The following FAAP100 variants were observed in gnomAD, a reference collection of about 807,000 sequenced individuals.
FAAP100 encodes Fanconi anemia core complex-associated protein 100.
Under a neutral mutation model 65.8 loss-of-function variants are expected in FAAP100, and 46 were observed. That is an observed-to-expected ratio of 0.70 (90% CI 0.55 to 0.89). The LOEUF is 0.89. Among genes scored for constraint, FAAP100 ranks in the 40% least tolerant of loss-of-function variants. The pLI is 0.00. For missense variants in FAAP100, 1,165 were observed against 1,196.7 expected (o/e 0.97, Z 0.39); for synonymous variants, 663 against 555.1 (o/e 1.19, Z -2.73).
chr17:81,541,734 G>C (rs1202622352), intron 7 of FAAP100, among the ~76,000 whole-genome samples: 1 of 152,176 alleles, frequency 6.6e-6, no homozygotes, highest in Non-Finnish European at 1.5e-5. Flanking sequence ...TGGGCTTCAG[G>C]CCTGAAGGCC....
chr17:81,552,333 T>C lies in FAAP100; in HGVS notation c.-3A>G, dbSNP rs1184205228. Reference sequence around the variant, plus strand: ...ACCCGCGGCGCGGCGCCGGCCATCGTGCGCGCGGGCCCGTCAGAGTGAGAA... The same window carrying C: ...ACCCGCGGCGCGGCGCCGGCCATCGCGCGCGCGGGCCCGTCAGAGTGAGAA... On this transcript the variant is annotated 5_prime_UTR_variant, in exon 1 of 9. Transcript: ENST00000327787. 1.5e-6 allele frequency: 2 copies of C among 1,373,542 alleles called. No homozygotes were observed. Among genetic ancestry groups the C allele is most frequent in the South Asian group, 1.7e-5 (1 of 59,454 alleles). 85.1% of individuals were successfully genotyped at this position (1,373,542 alleles called of 1,614,324 possible). A position where few individuals can be genotyped will look rare whatever the true frequency, so the allele number is the denominator to read the frequency against.
At position 81,542,785 on chromosome 17, in the gene FAAP100, G is replaced by A. The variant is rs190794948; in HGVS notation, c.2427+1219C>T. On this transcript the variant is annotated intron_variant, in intron 7 of 8. Transcript: ENST00000327787. ...CACTGGGGTGGGTCTGACCCCACAC[G>A]ACTGTGTCCTTGTAAGAAAAGGGAT... Among the ~76,000 whole-genome samples the A allele has an allele frequency of 5.3e-5, 8 of 152,354 alleles. No individual in the cohort carries two copies. In the South Asian group the frequency reaches 8.3e-4, roughly 16 times the overall value.
At chr17:81,540,984 A>T in intron 8 of FAAP100, 34 bp from the exon 9 acceptor site, 2 of 1,539,318 alleles carry the variant, frequency 1.3e-6, no homozygotes, top group Non-Finnish European at 1.7e-6. Flanking sequence ...CAGGCCCCCC[A>T]CCTGGCCCTG....
Position 81,552,336 on chromosome 17 carries a change from G to A in FAAP100, c.-6C>T, listed in dbSNP as rs914677574. ...CGCGGCGCGGCGCCGGCCATCGTGC[G>A]CGCGGGCCCGTCAGAGTGAGAAGCC... On this transcript the variant is annotated 5_prime_UTR_variant, in exon 1 of 9. Coordinates refer to ENST00000327787, the MANE Select transcript of FAAP100 (RefSeq NM_025161.6). 1.2e-5 allele frequency: 17 copies of A among 1,369,670 alleles called. No homozygotes were observed. Among genetic ancestry groups the A allele is most frequent in the African/African-American group, 1.5e-5 (1 of 65,180 alleles). The allele number at this position is 1,369,670 out of a possible 1,614,324, so 84.8% of individuals were successfully genotyped here. A position where few individuals can be genotyped will look rare whatever the true frequency, so the allele number is the denominator to read the frequency against.
At chr17:81,540,982 C>G in intron 8 of FAAP100, 32 bp from the exon 9 acceptor site, 2 of 1,541,840 alleles carry the variant, frequency 1.3e-6, no homozygotes, top group Non-Finnish European at 1.7e-6. Context: ...CTCAGGCCCC[C>G]CACCTGGCCC....
intron 8 of FAAP100, 73 bp from the exon 9 acceptor site, chr17:81,541,023 CCA>C: frequency 4.8e-6 from 7 of 1,469,200 alleles, no homozygotes; most frequent in Non-Finnish European, 6.3e-6. Context: ...TCTGGGGGAC[CCA>C]CCACTCGCAG....
intron 4 of FAAP100, chr17:81,548,252 G>C: frequency 1.9e-6 from 1 of 526,448 alleles, no homozygotes; most frequent in Non-Finnish European, 3.4e-6. Context: ...CGAAGCCAGT[G>C]CTGCGGGAGG....
chr17:81,547,132 C>T lies in FAAP100; in HGVS notation c.1950G>A (p.Leu650=). 1 of 1,532,876 alleles carries T rather than the reference C, an allele frequency of 6.5e-7. No individual in the cohort carries two copies. The highest frequency in any genetic ancestry group is 8.8e-7 in the Non-Finnish European group (1 of 1,138,974). 95.0% of individuals were successfully genotyped at this position (1,532,876 alleles called of 1,614,324 possible). The change falls in exon 5 of 9, where the codon CTG becomes CTA. Residue 650 remains leucine (L), a synonymous_variant. Transcript: ENST00000327787. ...LPLSRHTVDM[L]QCLRFPGLAP... ...CCAGGCCAGGGAAGCGCAGACACTG[C>T]AGCATGTCCACTGTGTGCCTGCTCA...
intron 5 of FAAP100, 33 bp downstream of exon 5, chr17:81,546,876 C>A: frequency 7.4e-7 from 1 of 1,355,774 alleles, no homozygotes; most frequent in Non-Finnish European, 9.5e-7. Flanking sequence ...AAAAAATCCC[C>A]AAGGCTGAGC....
chr17:81,548,204 G>A (rs971264080), intron 4 of FAAP100: 16 of 590,378 alleles, frequency 2.7e-5, no homozygotes, highest in African/African-American at 2.6e-4. Flanking sequence ...GGGAGCAGGG[G>A]AGGCTGCGCG....
intron 7 of FAAP100, among the ~76,000 whole-genome samples, chr17:81,542,837 G>C (rs1430437735): frequency 1.3e-5 from 2 of 152,262 alleles, no homozygotes; most frequent in Non-Finnish European, 2.9e-5. Context: ...AGGGGCTGGA[G>C]CTCTGCTCTT....
Position 81,540,947 on chromosome 17 carries a change from G to C in FAAP100, c.2518C>G (p.Leu840Val). 2 of 1,580,510 alleles carry C rather than the reference G, an allele frequency of 1.3e-6. No homozygotes were observed. Among genetic ancestry groups the C allele is most frequent in the Non-Finnish European group, 1.7e-6 (2 of 1,166,220 alleles). ...CGCAGGGTCTGCACCTCCCGCAGCA[G>C]TGTCTGCAGGTGAAGCAGACACAGC... ...LRQIHANHET[L>V]LREVQTLRDR... Residue 840 changes from leucine (L) to valine (V), a missense_variant, in exon 9 of 9, where the codon CTG becomes GTG. Coordinates refer to ENST00000327787, the MANE Select transcript of FAAP100 (RefSeq NM_025161.6).
rs1360949996 is a variant in FAAP100 at position 81,544,762 on chromosome 17, C to T, written c.2311-642G>A. Among the ~76,000 whole-genome samples, 5 of 152,260 alleles carry T rather than the reference C, an allele frequency of 3.3e-5. No homozygotes were observed. In the East Asian group the frequency reaches 9.6e-4, roughly 29 times the overall value. On this transcript the variant is annotated intron_variant, in intron 6 of 8. Coordinates refer to ENST00000327787, the MANE Select transcript of FAAP100 (RefSeq NM_025161.6). ...GAGGACACAGTCACCTGCGGCTCTC[C>T]CACAGGGGCCGCCAGCACCGACCTG... is the stretch of plus-strand genomic sequence containing the variant.
At chr17:81,549,135 C>T in intron 4 of FAAP100, 71 bp downstream of exon 4, 2 of 1,574,070 alleles carry the variant, frequency 1.3e-6, no homozygotes, top group African/African-American at 1.4e-5. Flanking sequence ...CCCAGGACGA[C>T]CCCACACAGG....
intron 3 of FAAP100, 31 bp downstream of exon 3, chr17:81,550,217 C>T: frequency 1.3e-6 from 2 of 1,547,386 alleles, no homozygotes; most frequent in Non-Finnish European, 8.8e-7. Context: ...ACCCTGGGCT[C>T]CCATCTTTCA....
Position 81,551,155 on chromosome 17 carries a change from G to A in FAAP100, c.339C>T (p.Ser113=). 6.5e-7 allele frequency: 1 copy of A among 1,544,542 alleles called. No homozygotes were observed. The highest frequency in any genetic ancestry group is 1.7e-4 in the Middle Eastern group (1 of 5,972). Residue 113 remains serine, a synonymous_variant, in exon 3 of 9, where the codon TCC becomes TCT. Transcript: ENST00000327787. ...DRDSEDGDQP[S]PVIPVDPDAC... ...CATCGGGGTCCACAGGGATCACGGG[G>A]GAAGGCTGGTCACCGTCCTCGCTGT...
In FAAP100 at chr17:81,540,172, G is replaced by C. The variant is rs576434767; in HGVS notation, c.*647C>G. The stretch of plus-strand genomic sequence containing the variant: ...AGGCACCTAGTTGTTGAGCATTCCG[G>C]CCACAGGCCACCCGCTGGCCCTTCC... On this transcript the variant is annotated 3_prime_UTR_variant, in exon 9 of 9. Transcript: ENST00000327787. The C allele has an allele frequency of 2.0e-5, 8 of 399,040 alleles. No individual in the cohort carries two copies. Among genetic ancestry groups the C allele is most frequent in the African/African-American group, 1.4e-4 (7 of 48,756 alleles). The allele number at this position is 399,040 out of a possible 1,614,324, so 24.7% of individuals were successfully genotyped here.
At chr17:81,550,211 T>C (rs1187681624) in intron 3 of FAAP100, 37 bp downstream of exon 3, 5 of 1,537,288 alleles carry the variant, frequency 3.3e-6, no homozygotes, top group Non-Finnish European at 4.4e-6. Flanking sequence ...TGCTCCACCC[T>C]GGGCTCCCAT....
In FAAP100 at chr17:81,544,003, C is replaced by T; in HGVS notation, c.2427+1G>A. ...CCACCTTCCCCAGCGGGCCGACATA[C>T]CTGCATGCGCCCGACAACGGCATGG... On this transcript the variant is annotated splice_donor_variant, in intron 7 of 8. Coordinates refer to ENST00000327787, the MANE Select transcript of FAAP100 (RefSeq NM_025161.6). LOFTEE classifies it high-confidence loss of function. 1 of 1,610,620 alleles carries T rather than the reference C, an allele frequency of 6.2e-7. No homozygotes were observed. Among genetic ancestry groups the T allele is most frequent in the Non-Finnish European group, 8.5e-7 (1 of 1,178,514 alleles).
Sources: allele counts gnomAD v4.1 joint callset (sites outside exome capture counted in the v4.1 genomes callset), GRCh38; gene constraint gnomAD v4.1.1; transcripts MANE v1.5; gene names NCBI Gene and HGNC (gene_info 2026-07-23, HGNC 2026-07-21).